PCDH15: variants seen among roughly 807,000 people sequenced by gnomAD.
PCDH15 encodes the protein protocadherin-15.
In PCDH15, 129 loss-of-function variants were observed where a neutral mutation model predicts 178.5. The observed-to-expected ratio is 0.72, with a 90% confidence interval of 0.63 to 0.84. The LOEUF is 0.84. PCDH15 is among the 40% of genes least tolerant of loss of function. The pLI is 0.00. For synonymous variants in PCDH15, 800 were observed against 732.0 expected (o/e 1.09, Z -1.50); for missense variants, 2,230 against 2,099.9 (o/e 1.06, Z -1.21).
chr10:55,493,128 A>G (rs1324447961), intron 2 of PCDH15, among the ~76,000 whole-genome samples: 1 of 151,760 alleles, frequency 6.6e-6, no homozygotes, highest in Admixed American at 6.6e-5. Flanking sequence ...ACAGAAAAAT[A>G]TTCGAAGAAA....
At chr10:54,549,944 A>G (rs1310939287) in intron 2 of PCDH15, among the ~76,000 whole-genome samples, 1 of 151,974 alleles carries the variant, frequency 6.6e-6, no homozygotes, top group East Asian at 1.9e-4. Context: ...TAGCTAGTGT[A>G]TTTTTGCCTT....
chr10:55,513,229 G>A (rs1397742682), intron 2 of PCDH15: 1 of 152,102 alleles, frequency 6.6e-6, no homozygotes, highest in Admixed American at 6.6e-5. Context: ...AGTGTTTTCT[G>A]TATTCAGGCT....
At chr10:53,823,247 G>T (rs747043323) in intron 32 of PCDH15, 1 of 1,613,984 alleles carries the variant, frequency 6.2e-7, no homozygotes, top group Non-Finnish European at 8.5e-7. Context: ...GAGCTGACTT[G>T]TGAGCCTCAA....
chr10:54,122,002 T>TACACACACACAC (rs57135050), intron 15 of PCDH15, among the ~76,000 whole-genome samples: 65 of 146,516 alleles, frequency 4.4e-4, no homozygotes, highest in African/African-American at 1.3e-3. Context: ...CAAAGACACA[T>TACACACACACAC]ACACACACAC....
intron 2 of PCDH15, among the ~76,000 whole-genome samples, chr10:55,405,127 G>C (rs1291549818): frequency 6.6e-6 from 1 of 151,236 alleles, no homozygotes; most frequent in Admixed American, 6.6e-5. Flanking sequence ...CATAAAGATA[G>C]AAAAATGATG....
intron 2 of PCDH15, among the ~76,000 whole-genome samples, chr10:54,939,424 G>C (rs1837999086): frequency 6.8e-6 from 1 of 147,202 alleles, no homozygotes; most frequent in Admixed American, 6.8e-5. Flanking sequence ...GAACCCGGGA[G>C]GCGGAGCTTG....
At chr10:54,999,821 A>G (rs190772083) in intron 2 of PCDH15, among the ~76,000 whole-genome samples, 38 of 152,322 alleles carry the variant, frequency 2.5e-4, no homozygotes, top group African/African-American at 9.1e-4. Context: ...TACAAAAGAG[A>G]GAAATTTTAA....
At chr10:54,727,581 A>G (rs1314928263) in intron 1 of PCDH15, among the ~76,000 whole-genome samples, 1 of 151,440 alleles carries the variant, frequency 6.6e-6, no homozygotes, top group Non-Finnish European at 1.5e-5. Context: ...AGAAGACAAG[A>G]AATAACCAAA....
intron 2 of PCDH15, among the ~76,000 whole-genome samples, chr10:55,576,210 A>G (rs549148058): frequency 6.6e-6 from 1 of 152,326 alleles, no homozygotes; most frequent in African/African-American, 2.4e-5. Flanking sequence ...TATTTTTCAT[A>G]TCATATGTAT....
intron 2 of PCDH15, among the ~76,000 whole-genome samples, chr10:55,583,944 C>G (rs931553701): frequency 6.6e-6 from 1 of 152,160 alleles, no homozygotes; most frequent in African/African-American, 2.4e-5. Flanking sequence ...GTGGCGTGAT[C>G]TTGGCTCACT....
At chr10:54,758,741 C>A (rs1947489209) in intron 1 of PCDH15, among the ~76,000 whole-genome samples, 1 of 152,120 alleles carries the variant, frequency 6.6e-6, no homozygotes, top group Non-Finnish European at 1.5e-5. Flanking sequence ...ACCAATTGAA[C>A]TTTTGGGTTG....
At chr10:54,213,184 G>C (rs1041736570) in intron 10 of PCDH15, among the ~76,000 whole-genome samples, 17 of 151,844 alleles carry the variant, frequency 1.1e-4, no homozygotes, top group Non-Finnish European at 1.8e-4. Flanking sequence ...GTCTTTTCTT[G>C]TACTTACAAT....
chr10:54,913,425 G>A (rs565673236), intron 2 of PCDH15, among the ~76,000 whole-genome samples: 2 of 152,294 alleles, frequency 1.3e-5, no homozygotes, highest in African/African-American at 4.8e-5. Flanking sequence ...GGGAGCCTCT[G>A]CCCAAATTTC....
intron 3 of PCDH15, among the ~76,000 whole-genome samples, chr10:54,445,483 A>G (rs2076091841): frequency 6.6e-6 from 1 of 151,566 alleles, no homozygotes; most frequent in South Asian, 2.1e-4. Flanking sequence ...AGTGGTTAAG[A>G]GCGTACTTTA....
chr10:55,253,237 TGTGTGTGTGTGC>T lies in PCDH15; in HGVS notation c.-156+66350_-156+66361del, dbSNP rs1416779560. Among the ~76,000 whole-genome samples, 3 of 114,618 alleles carry T rather than the reference TGTGTGTGTGTGC, an allele frequency of 2.6e-5. No individual in the cohort carries two copies. The East Asian group carries it at 6.8e-4, about 26-fold the overall frequency. The allele number at this position is 114,618 out of a possible 152,430, so 75.2% of individuals were successfully genotyped here. A position where few individuals can be genotyped will look rare whatever the true frequency, so the allele number is the denominator to read the frequency against. On this transcript the variant is annotated intron_variant, in intron 1 of 5. Transcript: ENST00000458638. ...TAGAGAGAGAGTATGTGCGTGTGTG[TGTGTGTGTGTGC>T]GTGTGTGTGTGTGTGTGTGTGCATG...
intron 2 of PCDH15, among the ~76,000 whole-genome samples, chr10:55,384,553 G>T (rs914823883): frequency 6.6e-6 from 1 of 152,066 alleles, no homozygotes; most frequent in Non-Finnish European, 1.5e-5. Flanking sequence ...TTTCCAGTCA[G>T]AAGTGAAGAA....
At chr10:54,462,526 T>TTTG (rs1321958158) in intron 3 of PCDH15, among the ~76,000 whole-genome samples, 1 of 134,850 alleles carries the variant, frequency 7.4e-6, no homozygotes, top group Non-Finnish European at 1.6e-5. Context: ...TTTTTTTTTT[T>TTTG]TTTTTTGAGA....
At chr10:54,341,159 T>C (rs1289419492) in intron 6 of PCDH15, among the ~76,000 whole-genome samples, 1 of 152,162 alleles carries the variant, frequency 6.6e-6, no homozygotes, top group Non-Finnish European at 1.5e-5. Flanking sequence ...TCTCCTGCCC[T>C]GCTCATATCT....
intron 2 of PCDH15, among the ~76,000 whole-genome samples, chr10:55,088,284 T>A (rs937451910): frequency 6.6e-6 from 1 of 152,048 alleles, no homozygotes; most frequent in East Asian, 1.9e-4. Flanking sequence ...GTTTTTTTTT[T>A]TTGAGACAGA....
Sources: gnomAD v4.1 joint callset for allele counts (sites outside exome capture counted in the v4.1 genomes callset) on GRCh38, gnomAD v4.1.1 for gene constraint, MANE v1.5 for transcripts, NCBI Gene and HGNC (gene_info 2026-07-23, HGNC 2026-07-21) for gene names.